OTOF: variants seen among roughly 807,000 people sequenced by gnomAD.
OTOF encodes otoferlin.
OTOF carries 218 observed loss-of-function variants against 236.8 expected under a neutral mutation model. The ratio of observed to expected loss-of-function variants is 0.92; its 90% CI spans 0.82 to 1.03. The LOEUF is 1.03. Ranked by LOEUF, OTOF falls within the 50% of genes least tolerant of loss-of-function variation. The pLI, the probability that OTOF is intolerant of heterozygous loss-of-function variation, is 0.00. For missense variants in OTOF, 2,590 were observed against 2,694.4 expected (o/e 0.96, Z 0.86); for synonymous variants, 1,041 against 1,072.5 (o/e 0.97, Z 0.57).
chr2:26,475,848 C>G (rs1665231129), intron 24 of OTOF, 66 bp downstream of exon 24: 2 of 1,546,528 alleles, frequency 1.3e-6, no homozygotes, highest in Non-Finnish European at 1.7e-6. Context: ...AGGCTCCAGT[C>G]CCCACAGGCT....
chr2:26,517,078 C>T (rs1012373676), intron 4 of OTOF, among the ~76,000 whole-genome samples: 3 of 152,154 alleles, frequency 2.0e-5, no homozygotes, highest in African/African-American at 7.2e-5. Flanking sequence ...GGAGAGGAGC[C>T]CAGGGCCCAG....
intron 11 of OTOF, among the ~76,000 whole-genome samples, chr2:26,488,512 C>G (rs1294162666): frequency 6.6e-6 from 1 of 152,212 alleles, no homozygotes; most frequent in East Asian, 1.9e-4. Flanking sequence ...ATTGCTGTTA[C>G]CCTACAGGAC....
chr2:26,477,105 C>T lies in OTOF; in HGVS notation c.2524-62G>A, dbSNP rs1665339691. On this transcript the variant is annotated intron_variant, in intron 21 of 46. Transcript: ENST00000272371. The surrounding 1 kb of genome is among the most constrained non-coding windows in gnomAD (Gnocchi z 4.7). ...GGGGTCTAGCCTCCTGATTGAGCCC[C>T]CTGATCCTGAGGGGCCCCAGAGAGC... 1 of 1,566,034 alleles carries T rather than the reference C, an allele frequency of 6.4e-7. No homozygotes were observed. Among genetic ancestry groups the T allele is most frequent in the Non-Finnish European group, 8.7e-7 (1 of 1,149,274 alleles).
At position 26,464,950 on chromosome 2, in the gene OTOF, C is replaced by T. The variant is rs775854482; in HGVS notation, c.4879G>A (p.Gly1627Ser). The T allele has an allele frequency of 1.4e-5, 22 of 1,572,186 alleles. No individual in the cohort carries two copies. The highest frequency in any genetic ancestry group is 4.8e-5 in the South Asian group (4 of 83,908). Residue 1627 changes from glycine to serine, a missense_variant, in exon 39 of 47, where the codon GGC becomes AGC. Around this residue, in one of 2 missense-constraint regions of OTOF, gnomAD observed 1,211 missense variants for 1,352.8 expected, o/e 0.90. Coordinates refer to ENST00000272371, the MANE Select transcript of OTOF (RefSeq NM_194248.3). ...TRLCKDGKVDGPHFGPPGRVK... is the reference protein window; with the variant it reads ...TRLCKDGKVDSPHFGPPGRVK... Reference sequence around the variant, plus strand: ...CTCCCAGGGGGCCCAAAGTGGGGGCCGTCCACTTTGCCGTCTTTGCAGAGG... The same window carrying T: ...CTCCCAGGGGGCCCAAAGTGGGGGCTGTCCACTTTGCCGTCTTTGCAGAGG...
chr2:26,489,218 C>G lies in OTOF; in HGVS notation c.1038G>C (p.Ser346=), dbSNP rs750046776. 2.5e-6 allele frequency: 4 copies of G among 1,608,540 alleles called. No individual in the cohort carries two copies. Among genetic ancestry groups the G allele is most frequent in the Admixed American group, 3.3e-5 (2 of 59,924 alleles). ...CCATGCGCAGGTACTCACCTGGCTGCGAGTACACGGTTCCCACGTCCATTT... is the reference window on the plus strand; with the variant it reads ...CCATGCGCAGGTACTCACCTGGCTGGGAGTACACGGTTCCCACGTCCATTT... The part of the protein sequence containing the change: ...SFKMDVGTVY[S]QPEHQFHHKW... Residue 346 remains serine (S), a synonymous_variant, in exon 11 of 47, where the codon TCG becomes TCC. Coordinates refer to ENST00000272371, the MANE Select transcript of OTOF (RefSeq NM_194248.3).
At chr2:26,464,338 T>C (rs1012217319) in intron 39 of OTOF, among the ~76,000 whole-genome samples, 1 of 151,626 alleles carries the variant, frequency 6.6e-6, no homozygotes, top group Non-Finnish European at 1.5e-5. Flanking sequence ...CTTGGGGAAG[T>C]TGACTGGAGA....
At chr2:26,501,638 GT>G (rs1666117291) in intron 8 of OTOF, 115 bp downstream of exon 8, 1 of 757,224 alleles carries the variant, frequency 1.3e-6, no homozygotes, top group African/African-American at 1.7e-5. Flanking sequence ...TATTCAGCTT[GT>G]TGTTCTCTAT....
rs556385644 is a variant in OTOF, at chr2:26,529,539, C to T, written c.139-1619G>A. On this transcript the variant is annotated intron_variant, in intron 2 of 46. Transcript: ENST00000272371. ...ATGACTTGGAGCACTCTGTTGCTGG[C>T]TGAGCAGGCCCTCGGGAGGAGGCTT... 2.5e-3 allele frequency among the ~76,000 whole-genome samples: 376 copies of T among 152,258 alleles called. 2 individuals carry two copies. The highest frequency in any genetic ancestry group is 8.7e-3 in the African/African-American group (360 of 41,550).
chr2:26,516,287 G>A (rs1401037882), intron 5 of OTOF, 131 bp downstream of exon 5: 4 of 832,256 alleles, frequency 4.8e-6, no homozygotes, highest in Non-Finnish European at 7.7e-6. Context: ...CCCCTTGGAT[G>A]TCTCTCCAGA....
At position 26,558,656 on chromosome 2, in the gene OTOF, C is replaced by T; in HGVS notation, c.-85G>A. 8.4e-7 allele frequency: 1 copy of T among 1,189,788 alleles called. No homozygotes were observed. The highest frequency in any genetic ancestry group is 1.2e-6 in the Non-Finnish European group (1 of 800,266). The allele number at this position is 1,189,788 out of a possible 1,614,324, so 73.7% of individuals were successfully genotyped here. A position where few individuals can be genotyped will look rare whatever the true frequency, so the allele number is the denominator to read the frequency against. On this transcript the variant is annotated 5_prime_UTR_variant, in exon 1 of 47. Coordinates refer to ENST00000272371, the MANE Select transcript of OTOF (RefSeq NM_194248.3). ...AGCACGGCTCACACGCCTCTCTCTTCTCTGCCGCTGCCTCCTCCTCCTCCT... is the reference window on the plus strand; with the variant it reads ...AGCACGGCTCACACGCCTCTCTCTTTTCTGCCGCTGCCTCCTCCTCCTCCT...
Position 26,558,752 on chromosome 2 carries a change from C to T in OTOF, c.-181G>A. The T allele has an allele frequency of 1.7e-6, 1 of 583,064 alleles. No homozygotes were observed. Among genetic ancestry groups the T allele is most frequent in the South Asian group, 1.9e-5 (1 of 52,132 alleles). 36.1% of individuals were successfully genotyped at this position (583,064 alleles called of 1,614,324 possible). A position where few individuals can be genotyped will look rare whatever the true frequency, so the allele number is the denominator to read the frequency against. Reference sequence around the variant, plus strand: ...CCGAGCTAAGCTGCTCCTGCAGCGACTCACAGAGCCTCACAGCCCCCGCCC... The same window carrying T: ...CCGAGCTAAGCTGCTCCTGCAGCGATTCACAGAGCCTCACAGCCCCCGCCC... On this transcript the variant is annotated 5_prime_UTR_variant, in exon 1 of 47. Coordinates refer to ENST00000272371, the MANE Select transcript of OTOF (RefSeq NM_194248.3).
intron 5 of OTOF, among the ~76,000 whole-genome samples, chr2:26,505,646 G>A (rs926130781): frequency 1.3e-5 from 2 of 152,242 alleles, no homozygotes; most frequent in Admixed American, 1.3e-4. Context: ...GCAGAACTGG[G>A]ATTGAAGCAG....
At position 26,477,734 on chromosome 2, in the gene OTOF, C is replaced by T. The variant is rs763467256; in HGVS notation, c.2230G>A (p.Asp744Asn). The change falls in exon 19 of 47, where the codon GAC becomes AAC. Residue 744 changes from aspartate (D) to asparagine (N), a missense_variant. Physicochemically the swap from Asp to Asn is conservative, Grantham distance 23. Transcript: ENST00000272371. This position sits in a 1 kb window ranked among gnomAD's most constrained non-coding sequence, Gnocchi z 4.7. ...IADKLEEGLNDIQEMIKTEKS... is the reference protein window; with the variant it reads ...IADKLEEGLNNIQEMIKTEKS... ...TCCGTTTTGATCATCTCCTGTATGTCGTTCAGGCCTTCTTCCTGTGAATCA... is the reference window on the plus strand; with the variant it reads ...TCCGTTTTGATCATCTCCTGTATGTTGTTCAGGCCTTCTTCCTGTGAATCA... The T allele has an allele frequency of 9.9e-6, 16 of 1,612,598 alleles. No homozygotes were observed. Among genetic ancestry groups the T allele is most frequent in the East Asian group, 2.2e-5 (1 of 44,886 alleles).
chr2:26,515,668 C>G lies in OTOF; in HGVS notation c.509+750G>C, dbSNP rs1666505690. Among the ~76,000 whole-genome samples, 3 of 152,118 alleles carry G rather than the reference C, an allele frequency of 2.0e-5. No individual in the cohort carries two copies. The South Asian group carries it at 6.2e-4, about 32-fold the overall frequency. ...CGGAGGGTCCCTTCTCAAAACACAC[C>G]CTGGTCCTTCAGATGCACCCTTGAC... On this transcript the variant is annotated intron_variant, in intron 5 of 46. Transcript: ENST00000272371.
Position 26,504,988 on chromosome 2 carries a change from C to G in OTOF, c.510-1143G>C, listed in dbSNP as rs547896773. ...GTTTCTAAGACCCCAGATCCTTGTTCTTTATGCTGGGCAATAGGAGGTTGG... is the reference window on the plus strand; with the variant it reads ...GTTTCTAAGACCCCAGATCCTTGTTGTTTATGCTGGGCAATAGGAGGTTGG... On this transcript the variant is annotated intron_variant, in intron 5 of 46. Transcript: ENST00000272371. Among the ~76,000 whole-genome samples, 11 of 152,270 alleles carry G rather than the reference C, an allele frequency of 7.2e-5. No individual in the cohort carries two copies. The South Asian group carries it at 2.3e-3, about 32-fold the overall frequency.
At position 26,463,479 on chromosome 2, in the gene OTOF, T is replaced by C. The variant is rs1664579747; in HGVS notation, c.5192+4A>G. 6.3e-7 allele frequency: 1 copy of C among 1,596,604 alleles called. No individual in the cohort carries two copies. Among genetic ancestry groups the C allele is most frequent in the Non-Finnish European group, 8.5e-7 (1 of 1,171,566 alleles). Reference sequence around the variant, plus strand: ...GGAGTAGCGCTGGGCCCCAGGCCGCTCACTTCTTGGGCTTCCGAGGTGAGA... The same window carrying C: ...GGAGTAGCGCTGGGCCCCAGGCCGCCCACTTCTTGGGCTTCCGAGGTGAGA... On this transcript the variant is annotated splice_donor_region_variant and intron_variant, in intron 41 of 46. Coordinates refer to ENST00000272371, the MANE Select transcript of OTOF (RefSeq NM_194248.3).
Position 26,489,218 on chromosome 2 carries a change from C to T in OTOF, c.1038G>A (p.Ser346=), listed in dbSNP as rs750046776. 2.7e-5 allele frequency: 43 copies of T among 1,608,422 alleles called. No homozygotes were observed. Among genetic ancestry groups the T allele is most frequent in the Non-Finnish European group, 3.1e-5 (37 of 1,176,294 alleles). ...SFKMDVGTVY[S]QPEHQFHHKW... ...CCATGCGCAGGTACTCACCTGGCTG[C>T]GAGTACACGGTTCCCACGTCCATTT... Residue 346 remains serine (S), a synonymous_variant, in exon 11 of 47, where the codon TCG becomes TCA. Coordinates refer to ENST00000272371, the MANE Select transcript of OTOF (RefSeq NM_194248.3).
At position 26,489,265 on chromosome 2, in the gene OTOF, C is replaced by T; in HGVS notation, c.991G>A (p.Gly331Ser). ...ATTTTGAAGGAGCCCACCAGGGTGC[C>T]ACTGCGCAGCAGGTTCTTGGAGTGA... Reference protein sequence around the residue: ...VIHSKNLLRSGTLVGSFKMDV... With the variant: ...VIHSKNLLRSSTLVGSFKMDV... Residue 331 changes from glycine to serine, a missense_variant, in exon 11 of 47, where the codon GGC becomes AGC. By Grantham distance (56) the Gly-to-Ser change is moderately conservative (BLOSUM62 0). This residue lies in a region of OTOF where 1,379 missense variants were observed against 1,341.6 expected (regional missense o/e 1.03). Coordinates refer to ENST00000272371, the MANE Select transcript of OTOF (RefSeq NM_194248.3). 6.2e-7 allele frequency: 1 copy of T among 1,613,082 alleles called. No homozygotes were observed. The highest frequency in any genetic ancestry group is 8.5e-7 in the Non-Finnish European group (1 of 1,179,856).
At chr2:26,513,313 G>A (rs1473398350) in intron 5 of OTOF, among the ~76,000 whole-genome samples, 1 of 152,194 alleles carries the variant, frequency 6.6e-6, no homozygotes, top group East Asian at 1.9e-4. Flanking sequence ...ATGAATGTGG[G>A]TGAAGTCCCA....
Sources: allele counts gnomAD v4.1 joint callset (sites outside exome capture counted in the v4.1 genomes callset), GRCh38; gene constraint gnomAD v4.1.1; regional missense constraint gnomAD v4.1.1; non-coding constraint Gnocchi (gnomAD v3.1); transcripts MANE v1.5; gene names NCBI Gene and HGNC (gene_info 2026-07-23, HGNC 2026-07-21).